The following CDH8 variants were observed in gnomAD, a reference collection of about 807,000 sequenced individuals.
CDH8 encodes the protein cadherin 8, also known as cadherin-8.
A neutral mutation model predicts 68.1 loss-of-function variants in CDH8; 17 were observed. The ratio of observed to expected loss-of-function variants is 0.25; its 90% CI spans 0.17 to 0.37. The LOEUF is 0.37. Among genes scored for constraint, CDH8 ranks in the 10% least tolerant of loss-of-function variants. The pLI, the probability that CDH8 is intolerant of heterozygous loss-of-function variation, is 1.00. For synonymous variants in CDH8, 372 were observed against 365.1 expected, an observed-to-expected ratio of 1.02 and a Z score of -0.21; for missense variants, 763 against 999.3, an observed-to-expected ratio of 0.76 and a Z score of 3.19.
intron 3 of CDH8, among the ~76,000 whole-genome samples, chr16:61,882,614 T>C (rs763595792): frequency 2.0e-5 from 3 of 152,118 alleles, no homozygotes; most frequent in African/African-American, 4.8e-5. Context: ...GGCAAACAAA[T>C]GTAAGAACAG....
At chr16:61,848,717 G>C (rs940004581) in intron 4 of CDH8, among the ~76,000 whole-genome samples, 5 of 152,046 alleles carry the variant, frequency 3.3e-5, no homozygotes, top group African/African-American at 1.2e-4. Context: ...TATATATTGA[G>C]CGGACACCTA....
chr16:61,889,342 C>T (rs1475313774), intron 3 of CDH8, among the ~76,000 whole-genome samples: 1 of 152,078 alleles, frequency 6.6e-6, no homozygotes. Flanking sequence ...AAATGGCAAA[C>T]TTCAAAGTCC....
In CDH8 at chr16:61,857,186, T is replaced by C. The variant is rs1445146461; in HGVS notation, c.600A>G (p.Gly200=). The C allele has an allele frequency of 6.8e-6, 11 of 1,613,172 alleles. No individual in the cohort carries two copies. Among genetic ancestry groups the C allele is most frequent in the Non-Finnish European group, 8.5e-6 (10 of 1,179,384 alleles). ...TATDADDPVY[G]NSAKLVYSIL... is the part of the protein sequence containing the mutation. ...TACTATAAACCAACTTTGCACTGTT[T>C]CCATAAACTGGGTCATCAGCGTCGG... Residue 200 remains glycine (G), a synonymous_variant, in exon 4 of 12, where the codon GGA becomes GGG. Transcript: ENST00000577390.
intron 8 of CDH8, among the ~76,000 whole-genome samples, chr16:61,774,513 C>A (rs1247066627): frequency 6.6e-6 from 1 of 150,708 alleles, no homozygotes; most frequent in East Asian, 2.0e-4. Flanking sequence ...TGGATGTGTA[C>A]CTATCTGCAT....
At chr16:61,655,208 GCCA>G (rs764976122) in intron 11 of CDH8, among the ~76,000 whole-genome samples, 7 of 152,102 alleles carry the variant, frequency 4.6e-5, no homozygotes, top group Non-Finnish European at 1.0e-4. Context: ...CTTCTCCACT[GCCA>G]CCACCATTAT....
chr16:61,857,095 T>C (rs1345364280), intron 4 of CDH8, 24 bp downstream of exon 4: 2 of 1,612,622 alleles, frequency 1.2e-6, no homozygotes, highest in Non-Finnish European at 1.7e-6. Flanking sequence ...ATGGCAAATA[T>C]AATTCGAAAT....
chr16:61,707,886 T>C (rs1439640283), intron 10 of CDH8, among the ~76,000 whole-genome samples: 1 of 152,210 alleles, frequency 6.6e-6, no homozygotes, highest in Non-Finnish European at 1.5e-5. Flanking sequence ...CTGATTTTTA[T>C]GCTTGTAAGT....
chr16:61,690,637 TTTGTTGTTG>T (rs150718158), intron 10 of CDH8, among the ~76,000 whole-genome samples: 2 of 151,888 alleles, frequency 1.3e-5, no homozygotes, highest in South Asian at 2.1e-4. Flanking sequence ...CTTTCTGGTC[TTTGTTGTTG>T]TTGTTGTTGT....
chr16:61,803,293 C>A (rs1961704551), intron 7 of CDH8, among the ~76,000 whole-genome samples: 1 of 132,398 alleles, frequency 7.6e-6, no homozygotes, highest in South Asian at 2.4e-4. Flanking sequence ...ACTAGGCCTG[C>A]CCTAAAAGAG....
Position 61,901,163 on chromosome 16 carries a change from T to C in CDH8, c.547+16A>G, listed in dbSNP as rs769736604. The stretch of plus-strand genomic sequence containing the variant: ...GATGACTTTTAATAGATCTGTGAAA[T>C]TGGAAGCATACATACCCAAAATGGA... On this transcript the variant is annotated intron_variant, in intron 3 of 11. Coordinates refer to ENST00000577390, the MANE Select transcript of CDH8 (RefSeq NM_001796.5). 2.5e-6 allele frequency: 4 copies of C among 1,604,874 alleles called. No homozygotes were observed. Among genetic ancestry groups the C allele is most frequent in the East Asian group, 4.5e-5 (2 of 44,782 alleles).
chr16:61,977,280 G>A (rs1349587380), intron 2 of CDH8, among the ~76,000 whole-genome samples: 1 of 152,108 alleles, frequency 6.6e-6, no homozygotes, highest in Non-Finnish European at 1.5e-5. Flanking sequence ...AAAAGTGTCT[G>A]AGTAAGTAAT....
At chr16:61,902,240 T>C (rs1436067760) in intron 2 of CDH8, among the ~76,000 whole-genome samples, 1 of 152,052 alleles carries the variant, frequency 6.6e-6, no homozygotes, top group African/African-American at 2.4e-5. Context: ...CCCAAATCCA[T>C]TTTTGGTCAT....
intron 8 of CDH8, among the ~76,000 whole-genome samples, chr16:61,768,351 TCTCTCTCTCTCTCTCTCC>T (rs1960663561): frequency 8.9e-6 from 1 of 112,384 alleles, no homozygotes; most frequent in African/African-American, 3.6e-5. Context: ...TCTCTCTCTC[TCTCTCTCTCTCTCTCTCC>T]CTTTCTCTCT....
intron 10 of CDH8, among the ~76,000 whole-genome samples, chr16:61,689,850 A>T (rs1964183579): frequency 6.6e-6 from 1 of 151,920 alleles, no homozygotes; most frequent in African/African-American, 2.4e-5. Context: ...TCAGATAAAG[A>T]CTTGAGTTTT....
chr16:61,758,671 G>T (rs1960384049), intron 8 of CDH8, among the ~76,000 whole-genome samples: 2 of 152,074 alleles, frequency 1.3e-5, no homozygotes, highest in African/African-American at 4.8e-5. Flanking sequence ...GACCTCAAGT[G>T]ATCCGCCCAC....
chr16:61,997,110 C>G (rs773414031), intron 2 of CDH8, among the ~76,000 whole-genome samples: 4 of 151,918 alleles, frequency 2.6e-5, no homozygotes, highest in Non-Finnish European at 5.9e-5. Flanking sequence ...TTCAGATTTT[C>G]TCTAAAAAAG....
At chr16:61,923,857 ATATAT>A (rs939578006) in intron 2 of CDH8, among the ~76,000 whole-genome samples, 26 of 147,574 alleles carry the variant, frequency 1.8e-4, no homozygotes, top group East Asian at 9.8e-4. Context: ...ATATATTTAA[ATATAT>A]TATATATTTA....
chr16:61,901,589 T>C (rs1963974549), intron 2 of CDH8, 116 bp from the exon 3 acceptor site: 1 of 668,934 alleles, frequency 1.5e-6, no homozygotes, highest in Non-Finnish European at 2.6e-6. Flanking sequence ...CAATTTCTGC[T>C]AATAGTAGCT....
At chr16:61,662,664 T>C (rs1963591658) in intron 10 of CDH8, among the ~76,000 whole-genome samples, 1 of 151,766 alleles carries the variant, frequency 6.6e-6, no homozygotes, top group African/African-American at 2.4e-5. Context: ...ACAATGCAAA[T>C]TAAAAATACA....
Sources: allele counts gnomAD v4.1 joint callset (sites outside exome capture counted in the v4.1 genomes callset), GRCh38; gene constraint gnomAD v4.1.1; transcripts MANE v1.5; gene names NCBI Gene and HGNC (gene_info 2026-07-23, HGNC 2026-07-21).